RNGTT: variants seen among roughly 807,000 people sequenced by gnomAD.
The protein encoded by RNGTT is RNA guanylyltransferase and 5'-phosphatase, also known as mRNA-capping enzyme.
RNGTT carries 33 observed loss-of-function variants against 79.3 expected under a neutral mutation model. That is an observed-to-expected ratio of 0.42 (90% CI 0.32 to 0.56). The LOEUF is 0.56. Among genes scored for constraint, RNGTT ranks in the 20% least tolerant of loss-of-function variants. The pLI, the probability that RNGTT is intolerant of heterozygous loss-of-function variation, is 0.17. For synonymous variants in RNGTT, 222 were observed against 235.9 expected (o/e 0.94, Z 0.54); for missense variants, 497 against 739.1 (o/e 0.67, Z 3.80).
At chr6:88,734,140 A>G (rs185726561) in intron 13 of RNGTT, among the ~76,000 whole-genome samples, 1 of 152,290 alleles carries the variant, frequency 6.6e-6, no homozygotes, top group East Asian at 1.9e-4. Flanking sequence ...TACAGCATAT[A>G]GTTCAGTGAA....
chr6:88,646,654 T>C (rs191428620), intron 14 of RNGTT, among the ~76,000 whole-genome samples: 2 of 152,318 alleles, frequency 1.3e-5, no homozygotes, highest in Admixed American at 1.3e-4. Context: ...CATGGAATAC[T>C]ATGCAGCCAT....
intron 13 of RNGTT, among the ~76,000 whole-genome samples, chr6:88,768,139 A>AGTGTGTGTGTGTGTGTGTGTGT (rs71021394): frequency 2.0e-5 from 3 of 148,820 alleles, no homozygotes; most frequent in African/African-American, 7.4e-5. Context: ...ATTTAGGGAT[A>AGTGTGTGTGTGTGTGTGTGTGT]GTGTGTGTGT....
chr6:88,757,803 A>T (rs190142195), intron 13 of RNGTT, among the ~76,000 whole-genome samples: 34 of 152,332 alleles, frequency 2.2e-4, no homozygotes, highest in Admixed American at 1.6e-3. Flanking sequence ...TTGAAGTCAC[A>T]CTATAAGTTT....
intron 11 of RNGTT, among the ~76,000 whole-genome samples, chr6:88,803,592 A>C (rs576428913): frequency 6.6e-6 from 1 of 150,912 alleles, no homozygotes; most frequent in Admixed American, 6.6e-5. Flanking sequence ...AAAAAAAAAA[A>C]AAAAACTAAA....
intron 11 of RNGTT, among the ~76,000 whole-genome samples, chr6:88,823,717 T>C (rs1020261507): frequency 6.6e-6 from 1 of 152,176 alleles, no homozygotes; most frequent in African/African-American, 2.4e-5. Flanking sequence ...AAATATAGAC[T>C]CTAGGCCTTC....
chr6:88,902,690 C>CTTTTTTT (rs71024315), intron 6 of RNGTT, among the ~76,000 whole-genome samples: 6 of 82,704 alleles, frequency 7.3e-5, no homozygotes, highest in Admixed American at 1.6e-4. Context: ...ATAGTGAAAT[C>CTTTTTTT]TTTTTTTTTT....
At chr6:88,776,127 T>C (rs1778869499) in intron 12 of RNGTT, among the ~76,000 whole-genome samples, 1 of 152,188 alleles carries the variant, frequency 6.6e-6, no homozygotes, top group Non-Finnish European at 1.5e-5. Flanking sequence ...TTTTCCATAA[T>C]GGTTGTACCA....
chr6:88,647,699 GTTA>G, intron 14 of RNGTT, among the ~76,000 whole-genome samples: 1 of 66,896 alleles, frequency 1.5e-5, no homozygotes, highest in African/African-American at 1.1e-4. Flanking sequence ...CCGACACCCT[GTTA>G]AAAAAAAAAA....
chr6:88,945,269 G>C (rs1036945193), intron 1 of RNGTT, among the ~76,000 whole-genome samples: 4 of 152,174 alleles, frequency 2.6e-5, no homozygotes, highest in African/African-American at 9.7e-5. Context: ...AACTCTCTAA[G>C]AGACTTGCAA....
At chr6:88,686,873 G>A (rs1775298115) in intron 13 of RNGTT, among the ~76,000 whole-genome samples, 1 of 150,740 alleles carries the variant, frequency 6.6e-6, no homozygotes, top group South Asian at 2.1e-4. Flanking sequence ...ACAAAAAAAG[G>A]AGAAACCTTA....
intron 14 of RNGTT, among the ~76,000 whole-genome samples, chr6:88,643,346 G>C (rs951114416): frequency 9.2e-5 from 14 of 152,224 alleles, no homozygotes; most frequent in Non-Finnish European, 1.2e-4. Context: ...CAGTTCTACT[G>C]AATGTATATT....
chr6:88,915,776 A>G (rs1319319305), intron 4 of RNGTT, among the ~76,000 whole-genome samples: 2 of 152,250 alleles, frequency 1.3e-5, no homozygotes, highest in African/African-American at 4.8e-5. Flanking sequence ...ATTTAAATTT[A>G]AATTAAAAAA....
intron 13 of RNGTT, among the ~76,000 whole-genome samples, chr6:88,704,767 T>C (rs899333377): frequency 2.0e-5 from 3 of 151,780 alleles, no homozygotes; most frequent in Admixed American, 2.0e-4. Context: ...AAAAGGGAAA[T>C]AGAGAAAAAA....
chr6:88,875,654 TGTGA>T (rs1249970785), intron 8 of RNGTT, among the ~76,000 whole-genome samples: 1 of 152,168 alleles, frequency 6.6e-6, no homozygotes, highest in Non-Finnish European at 1.5e-5. Context: ...CTTACAGCGT[TGTGA>T]GTATTAAATG....
At position 88,949,159 on chromosome 6, in the gene RNGTT, G is replaced by GAAAA; in HGVS notation, c.65-7983_65-7980dup. Among the ~76,000 whole-genome samples, 135 of 50,492 alleles carry GAAAA rather than the reference G, an allele frequency of 2.7e-3. 1 individual carries two copies. Among genetic ancestry groups the GAAAA allele is most frequent in the East Asian group, 0.016 (42 of 2,556 alleles). The allele number at this position is 50,492 out of a possible 152,430, so 33.1% of individuals were successfully genotyped here. On this transcript the variant is annotated intron_variant, in intron 1 of 15. Transcript: ENST00000369485. ...AATAAAAAATAAAATAAAATAAAAT[G>GAAAA]AAAAAAAAAAAAAAAAAAAGAAAAT...
chr6:88,937,066 G>C (rs145295401), intron 2 of RNGTT, among the ~76,000 whole-genome samples: 1 of 152,158 alleles, frequency 6.6e-6, no homozygotes, highest in East Asian at 1.9e-4. Flanking sequence ...TGATGGGCCA[G>C]GCACGGTGGC....
chr6:88,800,704 A>G (rs1330291764), intron 12 of RNGTT, among the ~76,000 whole-genome samples: 1 of 152,234 alleles, frequency 6.6e-6, no homozygotes, highest in Non-Finnish European at 1.5e-5. Flanking sequence ...GCTGAGCTGC[A>G]TCTGTGAAAC....
At chr6:88,963,160 C>T (rs1785699641) in intron 1 of RNGTT, among the ~76,000 whole-genome samples, 186 bp downstream of exon 1, 1 of 151,628 alleles carries the variant, frequency 6.6e-6, no homozygotes, top group Admixed American at 6.6e-5. Flanking sequence ...ACAAGTGCCC[C>T]CCATCCGCCG....
chr6:88,907,522 C>T (rs991766236), intron 4 of RNGTT, among the ~76,000 whole-genome samples: 5 of 152,128 alleles, frequency 3.3e-5, no homozygotes. Flanking sequence ...TGAGGCCTCC[C>T]CAGGCATGCA....
Sources: allele counts gnomAD v4.1 joint callset (sites outside exome capture counted in the v4.1 genomes callset), GRCh38; gene constraint gnomAD v4.1.1; transcripts MANE v1.5; gene names NCBI Gene and HGNC (gene_info 2026-07-23, HGNC 2026-07-21).